Variants in FGGY observed in about 807,000 individuals in gnomAD.
FGGY encodes the protein FGGY carbohydrate kinase domain containing.
A neutral mutation model predicts 71.3 loss-of-function variants in FGGY; 72 were observed. The ratio of observed to expected loss-of-function variants is 1.01; its 90% CI spans 0.84 to 1.23. FGGY has a LOEUF of 1.23. Among genes scored for constraint, FGGY ranks in the 50% most tolerant of loss-of-function variants. FGGY has a pLI of 0.00. For missense variants in FGGY, 668 were observed against 682.3 expected (o/e 0.98, Z 0.23); for synonymous variants, 251 against 250.3 (o/e 1.00, Z -0.02).
At chr1:59,460,939 A>G (rs2153520432) in intron 6 of FGGY, among the ~76,000 whole-genome samples, 1 of 152,320 alleles carries the variant, frequency 6.6e-6, no homozygotes, top group African/African-American at 2.4e-5. Flanking sequence ...GACCAAAGGT[A>G]GATAAAACTA....
At chr1:59,358,913 A>G (rs1024173395) in intron 4 of FGGY, among the ~76,000 whole-genome samples, 4 of 152,210 alleles carry the variant, frequency 2.6e-5, no homozygotes, top group Non-Finnish European at 5.9e-5. Context: ...AGATGAAGAA[A>G]TTGAGGATGG....
At chr1:59,660,717 GTGTT>G (rs1345285310) in intron 12 of FGGY, among the ~76,000 whole-genome samples, 2 of 152,178 alleles carry the variant, frequency 1.3e-5, no homozygotes, top group Non-Finnish European at 2.9e-5. Flanking sequence ...GAACATGAAA[GTGTT>G]TGTTTTTAGA....
At chr1:59,614,806 G>A (rs557458431) in intron 9 of FGGY, among the ~76,000 whole-genome samples, 80 of 152,142 alleles carry the variant, frequency 5.3e-4, no homozygotes, top group African/African-American at 1.8e-3. Flanking sequence ...CAAACTCCCC[G>A]GATACAAAAT....
chr1:59,748,793 T>G (rs186018124), intron 14 of FGGY, among the ~76,000 whole-genome samples: 204 of 152,294 alleles, frequency 1.3e-3, no homozygotes, highest in African/African-American at 4.8e-3. Flanking sequence ...GGACTTCACT[T>G]TTATGGAGCT....
chr1:59,448,891 C>T (rs1280784103), intron 5 of FGGY, among the ~76,000 whole-genome samples: 1 of 152,172 alleles, frequency 6.6e-6, no homozygotes, highest in Non-Finnish European at 1.5e-5. Flanking sequence ...CACACTCATG[C>T]CTAAAATAGT....
chr1:59,312,978 A>G (rs374664764), intron 1 of FGGY, among the ~76,000 whole-genome samples: 1 of 152,296 alleles, frequency 6.6e-6, no homozygotes, highest in Non-Finnish European at 1.5e-5. Context: ...CCCTCTTCCA[A>G]TCATCTGTTA....
At chr1:59,422,320 G>A (rs2065581617) in intron 5 of FGGY, among the ~76,000 whole-genome samples, 1 of 152,166 alleles carries the variant, frequency 6.6e-6, no homozygotes, top group Admixed American at 6.5e-5. Context: ...GCAGATTGAG[G>A]TTGTATTTCC....
rs1221165957 is a variant in FGGY at position 59,599,090 on chromosome 1, A to ATGTTTGTT, written c.904-8709_904-8708insTGTTTGTT. On this transcript the variant is annotated intron_variant, in intron 8 of 15. Transcript: ENST00000303721. ...GATAACATTGAGTTCAGTCCTACAC[A>ATGTTTGTT]TGTTCGTTTGTTTGTTTGTTTGTTT... Among the ~76,000 whole-genome samples, 139 of 135,814 alleles carry ATGTTTGTT rather than the reference A, an allele frequency of 1.0e-3. 3 individuals are homozygous for ATGTTTGTT. Among genetic ancestry groups the ATGTTTGTT allele is most frequent in the African/African-American group, 3.2e-3 (128 of 40,170 alleles). 89.1% of individuals were successfully genotyped at this position (135,814 alleles called of 152,430 possible).
chr1:59,617,512 A>G (rs2096768119), intron 9 of FGGY, among the ~76,000 whole-genome samples: 1 of 152,088 alleles, frequency 6.6e-6, no homozygotes, highest in Admixed American at 6.6e-5. Context: ...CTCCCTTCCT[A>G]AGGATGATTG....
At chr1:59,482,634 G>GTATATATATA (rs3990413) in intron 6 of FGGY, among the ~76,000 whole-genome samples, 21 of 147,544 alleles carry the variant, frequency 1.4e-4, no homozygotes, top group African/African-American at 4.8e-4. Flanking sequence ...GTGTCTGTGT[G>GTATATATATA]TATATATATA....
intron 6 of FGGY, among the ~76,000 whole-genome samples, chr1:59,469,002 C>A (rs56838754): frequency 0.024 from 3,699 of 152,046 alleles, 164 homozygotes; most frequent in African/African-American, 0.085. Flanking sequence ...CACACTGAAT[C>A]AAAGTTCAGG....
chr1:59,590,650 A>G (rs1481222534), intron 8 of FGGY, among the ~76,000 whole-genome samples: 1 of 152,244 alleles, frequency 6.6e-6, no homozygotes, highest in African/African-American at 2.4e-5. Flanking sequence ...AAATCAATAA[A>G]TGTAATCCAG....
intron 5 of FGGY, among the ~76,000 whole-genome samples, chr1:59,436,350 C>T (rs1240266823): frequency 2.0e-5 from 3 of 152,078 alleles, no homozygotes; most frequent in East Asian, 1.9e-4. Flanking sequence ...CTCCTCCCCC[C>T]GCAAACTTCT....
intron 14 of FGGY, among the ~76,000 whole-genome samples, chr1:59,723,621 G>C (rs2097915816): frequency 6.6e-6 from 1 of 150,868 alleles, no homozygotes; most frequent in Non-Finnish European, 1.5e-5. Context: ...ACTAATTTCT[G>C]AAGTTACTTA....
chr1:59,677,017 C>T (rs1388252413), intron 14 of FGGY, among the ~76,000 whole-genome samples: 2 of 151,924 alleles, frequency 1.3e-5, no homozygotes, highest in Non-Finnish European at 2.9e-5. Flanking sequence ...AGATAAAGAG[C>T]CTTTGAAAGT....
At chr1:59,545,314 A>T (rs564099018) in intron 7 of FGGY, among the ~76,000 whole-genome samples, 96 of 152,308 alleles carry the variant, frequency 6.3e-4, no homozygotes, top group Non-Finnish European at 1.2e-3. Context: ...TTAAGGACTT[A>T]TTCCATAAGA....
At chr1:59,308,144 G>C (rs577327289) in intron 1 of FGGY, among the ~76,000 whole-genome samples, 3 of 152,296 alleles carry the variant, frequency 2.0e-5, no homozygotes, top group African/African-American at 7.2e-5. Flanking sequence ...TAATGCTGCT[G>C]CTTCTCTTTT....
chr1:59,636,555 G>A (rs1051616569), intron 10 of FGGY, among the ~76,000 whole-genome samples: 13 of 152,044 alleles, frequency 8.6e-5, no homozygotes, highest in African/African-American at 2.9e-4. Flanking sequence ...CCCGGGAGGC[G>A]GAGCTTGCAG....
intron 11 of FGGY, among the ~76,000 whole-genome samples, chr1:59,640,790 T>G (rs2097017425): frequency 6.6e-6 from 1 of 151,028 alleles, no homozygotes; most frequent in African/African-American, 2.5e-5. Context: ...AATACCAATA[T>G]TAATTTCCAA....
Sources: allele counts gnomAD v4.1 joint callset (sites outside exome capture counted in the v4.1 genomes callset), GRCh38; gene constraint gnomAD v4.1.1; transcripts MANE v1.5; gene names NCBI Gene and HGNC (gene_info 2026-07-23, HGNC 2026-07-21).